FAM185A: variants seen among roughly 807,000 people sequenced by gnomAD.
FAM185A encodes the protein family with sequence similarity 185 member A, also known as protein FAM185A.
A neutral mutation model predicts 45.7 loss-of-function variants in FAM185A; 21 were observed. That is an observed-to-expected ratio of 0.46 (90% CI 0.33 to 0.66). The LOEUF is 0.66. Among genes scored for constraint, FAM185A ranks in the 30% least tolerant of loss-of-function variants. The pLI, the probability that FAM185A is intolerant of heterozygous loss-of-function variation, is 0.03. For synonymous variants in FAM185A, 117 were observed against 194.0 expected (o/e 0.60, Z 3.30); for missense variants, 305 against 485.4 (o/e 0.63, Z 3.49).
the FAM185A span, among the ~76,000 whole-genome samples, chr7:102,844,356 G>T: frequency 6.6e-6 from 1 of 152,006 alleles, no homozygotes; most frequent in Non-Finnish European, 1.5e-5. Flanking sequence ...AACTGCACAG[G>T]ACCCATACAT....
the FAM185A span, among the ~76,000 whole-genome samples, chr7:102,835,870 A>G: frequency 1.3e-5 from 2 of 152,002 alleles, no homozygotes; most frequent in Admixed American, 6.6e-5. Flanking sequence ...CGGCCTCCCA[A>G]AGTGCTGGGA....
chr7:102,828,948 T>C, the FAM185A span, among the ~76,000 whole-genome samples: 3 of 152,194 alleles, frequency 2.0e-5, no homozygotes, highest in African/African-American at 7.2e-5. Flanking sequence ...TTGTAGATTG[T>C]CATTCTCAAG....
At chr7:102,785,224 G>T (rs1042861564) in intron 6 of FAM185A, among the ~76,000 whole-genome samples, 2 of 151,756 alleles carry the variant, frequency 1.3e-5, no homozygotes, top group African/African-American at 4.8e-5. Flanking sequence ...TGGGTAGGAA[G>T]AATCAATATC....
intron 6 of FAM185A, among the ~76,000 whole-genome samples, chr7:102,783,030 G>A (rs1488560575): frequency 6.6e-6 from 1 of 151,664 alleles, no homozygotes; most frequent in Admixed American, 6.6e-5. Context: ...CTTTAAACCA[G>A]CAAAGATCAA....
intron 7 of FAM185A, among the ~76,000 whole-genome samples, chr7:102,792,271 G>A (rs1228149322): frequency 6.7e-6 from 1 of 150,128 alleles, no homozygotes; most frequent in Non-Finnish European, 1.5e-5. Context: ...TGATTTACAC[G>A]TATTATGTGC....
the FAM185A span, chr7:102,833,053 G>A: frequency 2.4e-5 from 35 of 1,451,352 alleles, no homozygotes; most frequent in African/African-American, 1.7e-4. Flanking sequence ...CTTATTAAAT[G>A]TACATTTCAG....
At chr7:102,763,950 A>G (rs1794242275) in intron 4 of FAM185A, among the ~76,000 whole-genome samples, 1 of 152,206 alleles carries the variant, frequency 6.6e-6, no homozygotes, top group Non-Finnish European at 1.5e-5. Context: ...TTATTTTCTC[A>G]GTTACTACCA....
intron 6 of FAM185A, among the ~76,000 whole-genome samples, chr7:102,783,154 T>G (rs1305066819): frequency 1.3e-5 from 2 of 150,916 alleles, no homozygotes; most frequent in African/African-American, 4.9e-5. Context: ...ATAAAGCAAG[T>G]CCTTAGAGAC....
intron 2 of FAM185A, among the ~76,000 whole-genome samples, chr7:102,757,286 A>G (rs1793807355): frequency 6.6e-6 from 1 of 152,000 alleles, no homozygotes; most frequent in South Asian, 2.1e-4. Context: ...ACAGAACTTG[A>G]TTCTAATTGT....
chr7:102,755,076 G>C (rs1279422138), intron 2 of FAM185A: 3 of 370,028 alleles, frequency 8.1e-6, no homozygotes, highest in African/African-American at 4.2e-5. Context: ...TTATAATTTT[G>C]TAAGTTCATG....
chr7:102,774,534 G>A (rs922978395), intron 5 of FAM185A, among the ~76,000 whole-genome samples: 3 of 151,988 alleles, frequency 2.0e-5, no homozygotes, highest in African/African-American at 7.3e-5. Flanking sequence ...TAGGGGGAAT[G>A]CATTAAGTGT....
At chr7:102,825,455 C>T in the FAM185A span, among the ~76,000 whole-genome samples, 7 of 152,186 alleles carry the variant, frequency 4.6e-5, no homozygotes, top group African/African-American at 1.7e-4. Context: ...AGGTTCTCCA[C>T]CAAATGCTCC....
At chr7:102,809,701 C>CA (rs554511382), downstream of FAM185A, among the ~76,000 whole-genome samples, 66 of 152,034 alleles carry the variant, frequency 4.3e-4, no homozygotes, top group African/African-American at 1.5e-3. Flanking sequence ...AACTCCGTCT[C>CA]AAAAAAATTA....
the FAM185A span, among the ~76,000 whole-genome samples, chr7:102,836,190 A>C: frequency 6.6e-6 from 1 of 152,220 alleles, no homozygotes; most frequent in African/African-American, 2.4e-5. Flanking sequence ...GAGGTTTTAA[A>C]TTTAAAACTA....
At chr7:102,821,766 T>C in the FAM185A span, among the ~76,000 whole-genome samples, 8 of 152,214 alleles carry the variant, frequency 5.3e-5, no homozygotes, top group African/African-American at 1.9e-4. Context: ...TTTTGAGAAA[T>C]GAGCAGAGGA....
chr7:102,782,341 A>T (rs1032126293), intron 6 of FAM185A, among the ~76,000 whole-genome samples: 1 of 152,190 alleles, frequency 6.6e-6, no homozygotes, highest in Non-Finnish European at 1.5e-5. Context: ...TCCAAGACAC[A>T]TAATTGTCAG....
intron 7 of FAM185A, among the ~76,000 whole-genome samples, chr7:102,806,813 A>C (rs531802563): frequency 6.6e-6 from 1 of 152,284 alleles, no homozygotes; most frequent in East Asian, 1.9e-4. Context: ...GCTGCAGGGC[A>C]GGGAGAGGTC....
At chr7:102,798,769 CAG>C (rs1796593810) in intron 7 of FAM185A, among the ~76,000 whole-genome samples, 1 of 151,918 alleles carries the variant, frequency 6.6e-6, no homozygotes, top group African/African-American at 2.4e-5. Context: ...TATTTTGAGA[CAG>C]AGTTTCACTA....
intron 4 of FAM185A, among the ~76,000 whole-genome samples, chr7:102,769,734 A>C (rs1200936372): frequency 6.6e-6 from 1 of 151,898 alleles, no homozygotes; most frequent in African/African-American, 2.4e-5. Context: ...TAGGAGCCGC[A>C]TCTGGTGAGA....
Sources: allele counts gnomAD v4.1 joint callset (sites outside exome capture counted in the v4.1 genomes callset), GRCh38; gene constraint gnomAD v4.1.1; transcripts MANE v1.5; gene names NCBI Gene and HGNC (gene_info 2026-07-23, HGNC 2026-07-21).